The following KIAA1217 variants were observed in gnomAD, a reference collection of about 807,000 sequenced individuals.
KIAA1217 encodes KIAA1217.
A neutral mutation model predicts 163.9 loss-of-function variants in KIAA1217; 88 were observed. That is an observed-to-expected ratio of 0.54 (90% CI 0.45 to 0.64). The LOEUF (loss-of-function observed/expected upper bound fraction) is 0.64, where lower values mean the gene tolerates loss of function less well. Ranked by LOEUF, KIAA1217 falls within the 30% of genes least tolerant of loss-of-function variation. The pLI is 0.00. For synonymous variants in KIAA1217, 903 were observed against 923.1 expected (o/e 0.98, Z 0.39); for missense variants, 2,372 against 2,475.0 (o/e 0.96, Z 0.88).
At chr10:24,467,653 G>C (rs770156647) in intron 5 of KIAA1217, among the ~76,000 whole-genome samples, 2 of 152,080 alleles carry the variant, frequency 1.3e-5, no homozygotes, top group Non-Finnish European at 2.9e-5. Flanking sequence ...AATTCTGTGG[G>C]GAAAAAGTGT....
chr10:24,269,997 G>A (rs1473598147), intron 2 of KIAA1217, among the ~76,000 whole-genome samples: 12 of 152,192 alleles, frequency 7.9e-5, no homozygotes, highest in Non-Finnish European at 2.9e-5. Flanking sequence ...ACACAGGTAT[G>A]GAAGAATCGC....
chr10:23,775,799 C>T (rs1233312478), intron 1 of KIAA1217, among the ~76,000 whole-genome samples: 2 of 152,146 alleles, frequency 1.3e-5, no homozygotes, highest in Non-Finnish European at 2.9e-5. Context: ...TCTGGATTTT[C>T]TTCCTTTGAT....
chr10:24,111,185 T>C (rs1011622225), intron 2 of KIAA1217, among the ~76,000 whole-genome samples: 3 of 152,230 alleles, frequency 2.0e-5, no homozygotes, highest in Non-Finnish European at 4.4e-5. Context: ...AGCAAAAGAA[T>C]AATATCCTGT....
rs556315936 is a variant in KIAA1217, at chr10:24,088,829, G to C, written c.-171+81455G>C. On this transcript the variant is annotated intron_variant, in intron 2 of 18. Coordinates refer to the KIAA1217 transcript ENST00000376462. ...ATATCCAGTAATGGGATGGCTGGGT[G>C]AAATGGTATTTCCAGTTCTAGATCC... Among the ~76,000 whole-genome samples the C allele has an allele frequency of 5.6e-5, 7 of 124,306 alleles. 1 individual carries two copies. The highest frequency in any genetic ancestry group is 2.3e-4 in the Admixed American group (3 of 12,902). 81.5% of individuals were successfully genotyped at this position (124,306 alleles called of 152,430 possible).
At chr10:23,800,768 C>T (rs1024529003) in intron 1 of KIAA1217, among the ~76,000 whole-genome samples, 4 of 152,256 alleles carry the variant, frequency 2.6e-5, no homozygotes, top group South Asian at 2.1e-4. Flanking sequence ...ATCAAAACTA[C>T]AATGAGATAC....
At chr10:24,415,894 C>G (rs1235941893) in intron 3 of KIAA1217, among the ~76,000 whole-genome samples, 1 of 152,218 alleles carries the variant, frequency 6.6e-6, no homozygotes, top group Non-Finnish European at 1.5e-5. Flanking sequence ...GATCCACACC[C>G]TGTGGCGTGG....
chr10:24,097,919 C>A (rs1040234908), intron 2 of KIAA1217, among the ~76,000 whole-genome samples: 2 of 152,126 alleles, frequency 1.3e-5, no homozygotes, highest in Non-Finnish European at 2.9e-5. Flanking sequence ...GGGGAGGTAC[C>A]TGCATTCCTC....
At chr10:24,198,583 GAAA>G (rs35790678) in intron 2 of KIAA1217, among the ~76,000 whole-genome samples, 1 of 115,006 alleles carries the variant, frequency 8.7e-6, no homozygotes. Context: ...CTCTTATCTC[GAAA>G]AAAAAAAAAA....
At chr10:23,727,553 C>T (rs1838235649) in intron 1 of KIAA1217, among the ~76,000 whole-genome samples, 1 of 152,016 alleles carries the variant, frequency 6.6e-6, no homozygotes. Context: ...GAATGAGACT[C>T]TGTCTCAAAA....
intron 2 of KIAA1217, among the ~76,000 whole-genome samples, chr10:24,159,229 T>G (rs970374139): frequency 2.0e-5 from 3 of 152,186 alleles, no homozygotes; most frequent in Non-Finnish European, 2.9e-5. Flanking sequence ...ATATTATAAT[T>G]ATCCTTGTTT....
chr10:24,271,106 T>A (rs1341719500), intron 2 of KIAA1217, among the ~76,000 whole-genome samples: 1 of 152,226 alleles, frequency 6.6e-6, no homozygotes, highest in African/African-American at 2.4e-5. Flanking sequence ...TAATTGGTAG[T>A]TTGGCTCCAT....
chr10:24,373,766 G>A (rs1247722212), intron 2 of KIAA1217, among the ~76,000 whole-genome samples: 1 of 152,152 alleles, frequency 6.6e-6, no homozygotes, highest in Non-Finnish European at 1.5e-5. Flanking sequence ...GGTGACAATG[G>A]GTTGGCAGAG....
intron 1 of KIAA1217, among the ~76,000 whole-genome samples, chr10:23,800,782 C>T (rs973419925): frequency 1.3e-5 from 2 of 152,148 alleles, no homozygotes; most frequent in African/African-American, 2.4e-5. Context: ...GAGATACCAT[C>T]GCACGGCAGT....
intron 2 of KIAA1217, among the ~76,000 whole-genome samples, chr10:24,257,216 A>T (rs2075255573): frequency 6.6e-6 from 1 of 152,096 alleles, no homozygotes; most frequent in Admixed American, 6.5e-5. Flanking sequence ...TTCAGTTTCT[A>T]CCTGGTTTTC....
At chr10:24,359,089 T>G (rs2049575190) in intron 2 of KIAA1217, among the ~76,000 whole-genome samples, 1 of 144,688 alleles carries the variant, frequency 6.9e-6, no homozygotes, top group African/African-American at 2.6e-5. Context: ...TTTCTTTTTT[T>G]TTTTTTTTTT....
chr10:24,141,044 G>C (rs978235303), intron 2 of KIAA1217, among the ~76,000 whole-genome samples: 1 of 152,022 alleles, frequency 6.6e-6, no homozygotes, highest in Non-Finnish European at 1.5e-5. Flanking sequence ...AAGTCTTCTG[G>C]GGTAGAAGAC....
chr10:24,162,679 C>T (rs1313986340), intron 2 of KIAA1217, among the ~76,000 whole-genome samples: 1 of 152,208 alleles, frequency 6.6e-6, no homozygotes, highest in Admixed American at 6.5e-5. Flanking sequence ...TATTATCTCA[C>T]AGTTTCTGGA....
At chr10:24,081,410 G>A (rs1006482830) in intron 2 of KIAA1217, among the ~76,000 whole-genome samples, 1 of 152,292 alleles carries the variant, frequency 6.6e-6, no homozygotes. Context: ...TGAATGCTGG[G>A]ATGAGACAGG....
rs188058211 is a variant in KIAA1217 at position 24,394,220 on chromosome 10, C to T, written c.553+13153C>T. Reference sequence around the variant, plus strand: ...ACTGAGTTAACTGCATCCTATCAAGCGAAGCTCCTATTTTCAGCCTGCTGA... The same window carrying T: ...ACTGAGTTAACTGCATCCTATCAAGTGAAGCTCCTATTTTCAGCCTGCTGA... On this transcript the variant is annotated intron_variant, in intron 3 of 20. Transcript: ENST00000376454. Among the ~76,000 whole-genome samples, 55 of 152,310 alleles carry T rather than the reference C, an allele frequency of 3.6e-4. No homozygotes were observed. The East Asian group carries it at 7.2e-3, about 20-fold the overall frequency.
Sources: gnomAD v4.1 joint callset for allele counts (sites outside exome capture counted in the v4.1 genomes callset) on GRCh38, gnomAD v4.1.1 for gene constraint, MANE v1.5 for transcripts, NCBI Gene and HGNC (gene_info 2026-07-23, HGNC 2026-07-21) for gene names.